Variants in SEMA6A observed in about 807,000 individuals in gnomAD.
The protein encoded by SEMA6A is semaphorin 6A.
Under a neutral mutation model 96.8 loss-of-function variants are expected in SEMA6A, and 25 were observed. The observed-to-expected ratio is 0.26, with a 90% CI of 0.19 to 0.36. The LOEUF (loss-of-function observed/expected upper bound fraction) is 0.36, where lower values mean the gene tolerates loss of function less well. Ranked by LOEUF, SEMA6A falls within the 10% of genes least tolerant of loss-of-function variation. The probability of loss-of-function intolerance (pLI) is 1.00; values close to 1 mark genes in which losing one functional copy is unlikely to be tolerated. For synonymous variants in SEMA6A, 612 were observed against 518.0 expected, an observed-to-expected ratio of 1.18 and a Z score of -2.46; for missense variants, 1,363 against 1,323.1, an observed-to-expected ratio of 1.03 and a Z score of -0.47.
chr5:116,453,279 C>CCTAT (rs1272401509), intron 18 of SEMA6A, among the ~76,000 whole-genome samples: 1 of 152,166 alleles, frequency 6.6e-6, no homozygotes, highest in African/African-American at 2.4e-5. Flanking sequence ...CTCATCAGAC[C>CCTAT]CTATCTTTAG....
intron 7 of SEMA6A, among the ~76,000 whole-genome samples, chr5:116,489,662 G>T (rs942705692): frequency 6.6e-6 from 1 of 152,170 alleles, no homozygotes; most frequent in Non-Finnish European, 1.5e-5. Flanking sequence ...ACACAGCTTG[G>T]CTAAAGCCAA....
At position 116,446,757 on chromosome 5, in the gene SEMA6A, G is replaced by C. The variant is rs975761409; in HGVS notation, c.2949C>G (p.Val983=). ...AGGCGTTGAGGCTGGGCTGCCTCGA[G>C]ACAGTCACGGCCTGGCCAGATGGCT... ...SSQPSGQAVT[V]SRQPSLNAYN... The change falls in exon 19 of 19, where the codon GTC becomes GTG. Residue 983 remains valine (V), a synonymous_variant. Coordinates refer to ENST00000343348, the MANE Select transcript of SEMA6A (RefSeq NM_020796.5). 1 of 1,609,492 alleles carries C rather than the reference G, an allele frequency of 6.2e-7. No individual in the cohort carries two copies. Among genetic ancestry groups the C allele is most frequent in the African/African-American group, 1.3e-5 (1 of 74,866 alleles).
intron 1 of SEMA6A, among the ~76,000 whole-genome samples, chr5:116,551,648 C>A (rs1561532603): frequency 6.6e-6 from 1 of 152,220 alleles, no homozygotes; most frequent in South Asian, 2.1e-4. Flanking sequence ...CTCTGCAGGT[C>A]AGTGACATGC....
intron 1 of SEMA6A, among the ~76,000 whole-genome samples, chr5:116,524,948 T>A (rs1010750374): frequency 7.2e-5 from 11 of 152,220 alleles, no homozygotes; most frequent in African/African-American, 2.7e-4. Flanking sequence ...ATGGCATCTC[T>A]GAACTCTTCA....
intron 1 of SEMA6A, among the ~76,000 whole-genome samples, chr5:116,545,213 C>A (rs147800375): frequency 6.6e-6 from 1 of 152,152 alleles, no homozygotes; most frequent in African/African-American, 2.4e-5. Flanking sequence ...TTAGATTGTG[C>A]GGTCTGGCTC....
intron 1 of SEMA6A, among the ~76,000 whole-genome samples, chr5:116,523,641 A>C (rs184702077): frequency 5.3e-5 from 8 of 152,248 alleles, no homozygotes; most frequent in African/African-American, 1.9e-4. Context: ...TTTATGCAAA[A>C]ATATGCATAA....
At position 116,480,046 on chromosome 5, in the gene SEMA6A, C is replaced by T. The variant is rs1463518530; in HGVS notation, c.1250+76G>A. On this transcript the variant is annotated intron_variant, in intron 12 of 18. Transcript: ENST00000343348. ...AGAAGATGTTTGTGGCATTTCAAAGCATGATCCACTGATTGGTTCTCCGAC... is the reference window on the plus strand; with the variant it reads ...AGAAGATGTTTGTGGCATTTCAAAGTATGATCCACTGATTGGTTCTCCGAC... 3.9e-6 allele frequency: 6 copies of T among 1,529,084 alleles called. No individual in the cohort carries two copies. In the South Asian group the frequency reaches 4.8e-5, roughly 12 times the overall value. 94.7% of individuals were successfully genotyped at this position (1,529,084 alleles called of 1,614,324 possible).
intron 6 of SEMA6A, among the ~76,000 whole-genome samples, chr5:116,493,703 G>A (rs1235271341): frequency 6.6e-6 from 1 of 152,004 alleles, no homozygotes; most frequent in Non-Finnish European, 1.5e-5. Context: ...AAAGACAGGG[G>A]GTTTTTCTGG....
intron 17 of SEMA6A, chr5:116,469,574 G>T (rs999222331): frequency 2.6e-5 from 4 of 152,076 alleles, no homozygotes; most frequent in African/African-American, 9.7e-5. Flanking sequence ...AGAGAAAGTG[G>T]GGAAGAATAA....
At chr5:116,496,364 G>T in intron 4 of SEMA6A, 51 bp from the exon 5 acceptor site, 2 of 1,529,484 alleles carry the variant, frequency 1.3e-6, no homozygotes, top group South Asian at 1.1e-5. Flanking sequence ...TGTTGCGTTT[G>T]ATTTTAGAAG....
intron 1 of SEMA6A, among the ~76,000 whole-genome samples, chr5:116,571,864 C>T (rs1274560488): frequency 2.6e-5 from 4 of 152,106 alleles, no homozygotes; most frequent in Non-Finnish European, 5.9e-5. Flanking sequence ...CGCTGGTAGC[C>T]ATTTGGGTAC....
At position 116,447,398 on chromosome 5, in the gene SEMA6A, G is replaced by T. The variant is rs1754297549; in HGVS notation, c.2308C>A (p.Pro770Thr). ...STPTLQQKRK[P>T]SRGSREWERN... The stretch of plus-strand genomic sequence containing the variant: ...TCCCACTCGCGGCTGCCGCGGCTGG[G>T]CTTCCGCTTCTGCTGCAGCGTTGGG... The change falls in exon 19 of 19, where the codon CCC (proline) becomes ACC (threonine). Residue 770 changes from proline to threonine, a missense_variant. Around this residue, in one of 2 missense-constraint regions of SEMA6A, gnomAD observed 883 missense variants for 763.6 expected, o/e 1.16. Transcript: ENST00000343348. The T allele has an allele frequency of 6.2e-7, 1 of 1,614,044 alleles. No individual in the cohort carries two copies. The highest frequency in any genetic ancestry group is 8.5e-7 in the Non-Finnish European group (1 of 1,179,898).
At chr5:116,465,322 A>T (rs1755660927) in intron 18 of SEMA6A, among the ~76,000 whole-genome samples, 1 of 152,240 alleles carries the variant, frequency 6.6e-6, no homozygotes. Flanking sequence ...AGTTGAAAAT[A>T]AATCATGAAC....
intron 1 of SEMA6A, among the ~76,000 whole-genome samples, chr5:116,525,250 C>T (rs759784950): frequency 2.0e-5 from 3 of 152,134 alleles, no homozygotes; most frequent in Non-Finnish European, 4.4e-5. Flanking sequence ...CCACCCTAGT[C>T]CTTCCATTAG....
intron 1 of SEMA6A, among the ~76,000 whole-genome samples, chr5:116,516,867 C>G (rs1269327843): frequency 2.0e-5 from 3 of 152,172 alleles, no homozygotes; most frequent in African/African-American, 7.2e-5. Flanking sequence ...AAACAGGTGA[C>G]TTCAGGGTCA....
At chr5:116,516,379 G>A (rs2112804388) in intron 1 of SEMA6A, among the ~76,000 whole-genome samples, 1 of 151,936 alleles carries the variant, frequency 6.6e-6, no homozygotes, top group Non-Finnish European at 1.5e-5. Flanking sequence ...ACATTTTTGG[G>A]GAAATTCATT....
rs533897004 is a variant in SEMA6A at position 116,542,095 on chromosome 5, C to T, written c.-39+32090G>A. 5.3e-5 allele frequency among the ~76,000 whole-genome samples: 8 copies of T among 152,306 alleles called. No homozygotes were observed. In the South Asian group the frequency reaches 8.3e-4, roughly 16 times the overall value. On this transcript the variant is annotated intron_variant, in intron 1 of 18. Coordinates refer to ENST00000343348, the MANE Select transcript of SEMA6A (RefSeq NM_020796.5). ...TGGGGAACCATCAGGCATTTTGTCT[C>T]TTTGTATGCCCTCTTCATTTGAGAT...
At chr5:116,536,680 A>T (rs1327515500) in intron 1 of SEMA6A, among the ~76,000 whole-genome samples, 1 of 152,116 alleles carries the variant, frequency 6.6e-6, no homozygotes, top group African/African-American at 2.4e-5. Flanking sequence ...AAGGCCCCCG[A>T]TCTTCCACAG....
intron 15 of SEMA6A, among the ~76,000 whole-genome samples, chr5:116,476,326 G>A (rs913232352): frequency 2.0e-5 from 3 of 152,096 alleles, no homozygotes; most frequent in Non-Finnish European, 4.4e-5. Context: ...TCCTTTGGGG[G>A]CACTTTGTAC....
Sources: allele counts gnomAD v4.1 joint callset (sites outside exome capture counted in the v4.1 genomes callset), GRCh38; gene constraint gnomAD v4.1.1; regional missense constraint gnomAD v4.1.1; transcripts MANE v1.5; gene names NCBI Gene and HGNC (gene_info 2026-07-23, HGNC 2026-07-21).